The following NFE2 variants were observed in gnomAD, a reference collection of about 807,000 sequenced individuals.
NFE2 encodes the protein transcription factor NF-E2 45 kDa subunit.
NFE2 carries 13 observed loss-of-function variants against 25.8 expected under a neutral mutation model. The ratio of observed to expected loss-of-function variants is 0.50; its 90% CI spans 0.33 to 0.80. The LOEUF (loss-of-function observed/expected upper bound fraction) is 0.80, where lower values mean the gene tolerates loss of function less well. NFE2 is among the 30% of genes least tolerant of loss of function. The pLI is 0.02. For synonymous variants in NFE2, 204 were observed against 200.2 expected (o/e 1.02, Z -0.16); for missense variants, 382 against 478.9 (o/e 0.80, Z 1.89).
intron 1 of NFE2, among the ~76,000 whole-genome samples, chr12:54,298,129 CT>C (rs2137060649): frequency 6.6e-6 from 1 of 152,264 alleles, no homozygotes; most frequent in Admixed American, 6.5e-5. Flanking sequence ...TTTGTCTCTC[CT>C]TTTATCTTCT....
At chr12:54,293,563 C>T (rs988846912) in intron 2 of NFE2, among the ~76,000 whole-genome samples, 182 bp from the exon 3 acceptor site, 6 of 152,184 alleles carry the variant, frequency 3.9e-5, no homozygotes, top group African/African-American at 1.2e-4. Flanking sequence ...AAAAATGCAG[C>T]TTAAAGCCAG....
At chr12:54,298,536 A>G (rs1944395641) in intron 1 of NFE2, among the ~76,000 whole-genome samples, 1 of 150,458 alleles carries the variant, frequency 6.6e-6, no homozygotes, top group Non-Finnish European at 1.5e-5. Flanking sequence ...AAAAAGATAC[A>G]TGACCGTGGG....
intron 1 of NFE2, 148 bp from the exon 2 acceptor site, chr12:54,295,452 C>G (rs1944364175): frequency 1.9e-6 from 1 of 535,998 alleles, no homozygotes; most frequent in Admixed American, 3.2e-5. Context: ...TTCATCAATC[C>G]CTTAAGATGG....
intron 1 of NFE2, among the ~76,000 whole-genome samples, chr12:54,296,108 T>A (rs1314031446): frequency 3.3e-5 from 5 of 152,158 alleles, no homozygotes; most frequent in African/African-American, 1.2e-4. Context: ...GCAAGCTTAG[T>A]TTATAAGATT....
chr12:54,299,351 T>C (rs1338658987), intron 1 of NFE2, among the ~76,000 whole-genome samples: 1 of 152,182 alleles, frequency 6.6e-6, no homozygotes, highest in African/African-American at 2.4e-5. Flanking sequence ...ATAGAGGGTA[T>C]AGAAACTGGG....
Position 54,292,935 on chromosome 12 carries a change from G to C in NFE2, c.561C>G (p.Asn187Lys). ...AGGTATAGTTGGAGTGGGCCAAGGA[G>C]TTGGGCATGAGTGAGTAGGGGTACT... The part of the protein sequence containing the change: ...PVEYPYSLMP[N>K]SLAHSNYTLP... The change falls in exon 3 of 3, where the codon AAC becomes AAG. Residue 187 changes from asparagine to lysine, a missense_variant. Transcript: ENST00000435572. 6.3e-7 allele frequency: 1 copy of C among 1,597,820 alleles called. No homozygotes were observed. Among genetic ancestry groups the C allele is most frequent in the Non-Finnish European group, 8.5e-7 (1 of 1,171,014 alleles).
chr12:54,295,097 G>C (rs1345078342), intron 2 of NFE2, 38 bp downstream of exon 2: 2 of 1,564,136 alleles, frequency 1.3e-6, no homozygotes, highest in South Asian at 1.1e-5. Flanking sequence ...TCTCTTCTCC[G>C]ACACACGGCC....
Position 54,292,780 on chromosome 12 carries a change from G to A in NFE2, c.716C>T (p.Thr239Met), listed in dbSNP as rs758001097. 7 of 1,614,042 alleles carry A rather than the reference G, an allele frequency of 4.3e-6. No individual in the cohort carries two copies. The highest frequency in any genetic ancestry group is 2.7e-5 in the African/African-American group (2 of 74,904). The part of the protein sequence containing the change: ...RALAMKIPFP[T>M]DKIVNLPVDD... Reference sequence around the variant, plus strand: ...TACCGGCAAGTTGACAATCTTGTCCGTAGGAAAAGGAATCTTCATGGCCAA... The same window carrying A: ...TACCGGCAAGTTGACAATCTTGTCCATAGGAAAAGGAATCTTCATGGCCAA... The change falls in exon 3 of 3, where the codon ACG becomes ATG. Residue 239 changes from threonine (T) to methionine (M), a missense_variant. By Grantham distance (81) the Thr-to-Met change is moderately conservative (BLOSUM62 -1). Coordinates refer to ENST00000435572, the MANE Select transcript of NFE2 (RefSeq NM_001136023.3).
Position 54,299,015 on chromosome 12 carries a change from C to T in NFE2, c.-57+1786G>A, listed in dbSNP as rs186076788. On this transcript the variant is annotated intron_variant, in intron 1 of 2. Coordinates refer to ENST00000435572, the MANE Select transcript of NFE2 (RefSeq NM_001136023.3). ...ACGGTGAGCTGAGATCATGCCACTA[C>T]ACTCCAGCCTGGGCAACAGAGTAAG... Among the ~76,000 whole-genome samples the T allele has an allele frequency of 2.6e-3, 388 of 150,782 alleles. 2 individuals are homozygous for T. The highest frequency in any genetic ancestry group is 8.9e-3 in the African/African-American group (363 of 40,924).
rs1342992395 is a variant in NFE2, at chr12:54,297,318, G to A, written c.-56-2014C>T. Among the ~76,000 whole-genome samples, 49 of 124,626 alleles carry A rather than the reference G, an allele frequency of 3.9e-4. 1 individual carries two copies. The highest frequency in any genetic ancestry group is 1.3e-3 in the African/African-American group (42 of 32,370). The allele number at this position is 124,626 out of a possible 152,430, so 81.8% of individuals were successfully genotyped here. ...TGCAGTGAGCCATGATTGTGCCACCGCACTCGAGAGCCTGGGTGACAGAGC... is the reference window on the plus strand; with the variant it reads ...TGCAGTGAGCCATGATTGTGCCACCACACTCGAGAGCCTGGGTGACAGAGC... On this transcript the variant is annotated intron_variant, in intron 1 of 2. Transcript: ENST00000435572.
chr12:54,292,814 G>T lies in NFE2; in HGVS notation c.682C>A (p.Arg228Ser), dbSNP rs756683427. The T allele has an allele frequency of 2.5e-6, 4 of 1,614,136 alleles. No homozygotes were observed. The highest frequency in any genetic ancestry group is 1.6e-4 in the Middle Eastern group (1 of 6,062). ...ARGEAGSRDE[R>S]RALAMKIPFP... ...GGAATCTTCATGGCCAAGGCCCGAC[G>T]TTCATCCCGACTCCCTGCCTCCCCC... is the stretch of plus-strand genomic sequence containing the variant. The change falls in exon 3 of 3, where the codon CGT becomes AGT. Residue 228 changes from arginine (R) to serine (S), a missense_variant. Physicochemically the swap from Arg to Ser is moderately radical, Grantham distance 110 (BLOSUM62 -1). Coordinates refer to ENST00000435572, the MANE Select transcript of NFE2 (RefSeq NM_001136023.3).
intron 1 of NFE2, among the ~76,000 whole-genome samples, chr12:54,298,334 C>T (rs947448570): frequency 5.3e-5 from 8 of 151,718 alleles, no homozygotes; most frequent in Admixed American, 2.0e-4. Context: ...ATGGAGAAAC[C>T]TTGTCTCTAC....
chr12:54,300,052 G>C (rs530412057), intron 1 of NFE2: 1 of 152,290 alleles, frequency 6.6e-6, no homozygotes, highest in Non-Finnish European at 1.5e-5. Flanking sequence ...AGAGGGGGAC[G>C]AGTTTCTGCT....
chr12:54,300,754 T>G (rs1944416573), intron 1 of NFE2, 47 bp downstream of exon 1: 1 of 141,090 alleles, frequency 7.1e-6, no homozygotes, highest in Non-Finnish European at 1.5e-5. Flanking sequence ...GCCCCTCGGA[T>G]CTCACTGGAA....
In NFE2 at chr12:54,297,356, C is replaced by CAAAAAAAAAAAAAAAA. The variant is rs35611028; in HGVS notation, c.-56-2068_-56-2053dup. Among the ~76,000 whole-genome samples, 12 of 50,012 alleles carry CAAAAAAAAAAAAAAAA rather than the reference C, an allele frequency of 2.4e-4. 1 individual carries two copies. Among genetic ancestry groups the CAAAAAAAAAAAAAAAA allele is most frequent in the African/African-American group, 9.8e-4 (11 of 11,168 alleles). 32.8% of individuals were successfully genotyped at this position (50,012 alleles called of 152,430 possible). On this transcript the variant is annotated intron_variant, in intron 1 of 2. Coordinates refer to ENST00000435572, the MANE Select transcript of NFE2 (RefSeq NM_001136023.3). ...TGGGTGACAGAGCAAGACCCTGTCT[C>CAAAAAAAAAAAAAAAA]AAAAAAAAAAAAAAAAAAAAAAAAC...
rs34093179 is a variant in NFE2, at chr12:54,295,279, C to T, written c.-31G>A. On this transcript the variant is annotated 5_prime_UTR_variant, in exon 2 of 3. Transcript: ENST00000435572. ...TGGGCCAGAGTCTGGTCCAGGTTCC[C>T]GGAAAGCCCAGATGGCTCTAGAAAC... 1.2e-3 allele frequency: 1,879 copies of T among 1,588,820 alleles called. 4 individuals are homozygous for T. The highest frequency in any genetic ancestry group is 1.5e-3 in the Non-Finnish European group (1,731 of 1,157,474).
chr12:54,298,214 G>A (rs1402022273), intron 1 of NFE2, among the ~76,000 whole-genome samples: 1 of 152,082 alleles, frequency 6.6e-6, no homozygotes, highest in African/African-American at 2.4e-5. Flanking sequence ...TGGCACTTAA[G>A]ATACAAGACC....
At chr12:54,295,325 T>A in intron 1 of NFE2, 21 bp from the exon 2 acceptor site, 1 of 1,207,984 alleles carries the variant, frequency 8.3e-7, no homozygotes, top group South Asian at 1.2e-5. Flanking sequence ...GGAAAAGAGG[T>A]GTTAGAGCTA....
Position 54,293,152 on chromosome 12 carries a change from A to T in NFE2, c.344T>A (p.Leu115Gln), listed in dbSNP as rs1944335156. The T allele has an allele frequency of 6.5e-7, 1 of 1,537,642 alleles. No individual in the cohort carries two copies. The highest frequency in any genetic ancestry group is 2.3e-5 in the East Asian group (1 of 44,140). ...PVSKPLSLSG[L>Q]LSEPLQDPLA... Reference sequence around the variant, plus strand: ...GGGGTCTTGGAGCGGCTCACTGAGCAGGCCTGAGAGGCTCAGTGGCTTGGA... The same window carrying T: ...GGGGTCTTGGAGCGGCTCACTGAGCTGGCCTGAGAGGCTCAGTGGCTTGGA... Residue 115 changes from leucine to glutamine, a missense_variant, in exon 3 of 3, where the codon CTG becomes CAG. Physicochemically the swap from Leu to Gln is moderately radical, Grantham distance 113. Coordinates refer to ENST00000435572, the MANE Select transcript of NFE2 (RefSeq NM_001136023.3).
Sources: gnomAD v4.1 joint callset for allele counts (sites outside exome capture counted in the v4.1 genomes callset) on GRCh38, gnomAD v4.1.1 for gene constraint, MANE v1.5 for transcripts, NCBI Gene and HGNC (gene_info 2026-07-23, HGNC 2026-07-21) for gene names.